The following DPP4 variants were observed in gnomAD, a reference collection of about 807,000 sequenced individuals.
The protein encoded by DPP4 is dipeptidyl peptidase 4, also known as ADCP-2.
In DPP4, 93 loss-of-function variants were observed where a neutral mutation model predicts 122.4. The observed-to-expected ratio is 0.76, with a 90% CI of 0.64 to 0.90. DPP4 has a LOEUF of 0.90. DPP4 is among the 40% of genes least tolerant of loss of function. DPP4 has a pLI of 0.00. For synonymous variants in DPP4, 321 were observed against 302.9 expected, an observed-to-expected ratio of 1.06 and a Z score of -0.62; for missense variants, 914 against 907.3, an observed-to-expected ratio of 1.01 and a Z score of -0.09.
chr2:162,063,224 A>G (rs1684841750), intron 2 of DPP4, among the ~76,000 whole-genome samples: 1 of 152,322 alleles, frequency 6.6e-6, no homozygotes. Flanking sequence ...TTGCTGAAAT[A>G]AGATGTACTA....
rs140439707 is a variant in DPP4, at chr2:162,021,829, C to T, written c.1068+926G>A. ...AGAGTCGTGAGGAAGTGTAGCGTGT[C>T]TCTTGCCATGGAGGAAACCACTTTT... On this transcript the variant is annotated intron_variant, in intron 12 of 25. Transcript: ENST00000360534. 5.8e-3 allele frequency among the ~76,000 whole-genome samples: 880 copies of T among 152,212 alleles called. 7 individuals are homozygous for T. Among genetic ancestry groups the T allele is most frequent in the African/African-American group, 0.02 (841 of 41,524 alleles).
intron 2 of DPP4, among the ~76,000 whole-genome samples, chr2:162,053,616 C>T (rs910454461): frequency 6.6e-6 from 1 of 152,194 alleles, no homozygotes; most frequent in Non-Finnish European, 1.5e-5. Flanking sequence ...GACTCCCCTG[C>T]ACCTCCTTGT....
intron 23 of DPP4, among the ~76,000 whole-genome samples, chr2:161,998,431 G>A (rs1701060411): frequency 1.3e-5 from 2 of 152,094 alleles, no homozygotes; most frequent in African/African-American, 4.8e-5. Flanking sequence ...TTTGCTCGCG[G>A]AAGACAGTCA....
intron 10 of DPP4, among the ~76,000 whole-genome samples, chr2:162,027,638 G>A (rs948771363): frequency 2.6e-5 from 4 of 152,166 alleles, no homozygotes; most frequent in Admixed American, 6.5e-5. Flanking sequence ...CTGGTAGAGC[G>A]AAGGGGTATG....
chr2:162,018,608 A>T, intron 16 of DPP4, 121 bp downstream of exon 16: 1 of 1,263,806 alleles, frequency 7.9e-7, no homozygotes, highest in Non-Finnish European at 1.1e-6. Context: ...CTTAAATGTG[A>T]GTGGAGAGAA....
At chr2:162,058,582 C>T (rs976487311) in intron 2 of DPP4, among the ~76,000 whole-genome samples, 1 of 152,182 alleles carries the variant, frequency 6.6e-6, no homozygotes, top group East Asian at 1.9e-4. Context: ...TTCTGAATCT[C>T]GTTATTCAAG....
chr2:162,017,677 C>T (rs1682974257), intron 16 of DPP4: 1 of 152,640 alleles, frequency 6.6e-6, no homozygotes, highest in Admixed American at 6.5e-5. Flanking sequence ...TTCTGGCATG[C>T]AAAAGTGTTT....
At chr2:162,027,885 T>A (rs2106110913) in intron 10 of DPP4, among the ~76,000 whole-genome samples, 1 of 152,224 alleles carries the variant, frequency 6.6e-6, no homozygotes, top group Non-Finnish European at 1.5e-5. Context: ...GGACTCTGCA[T>A]GGCCTGGGTT....
At chr2:162,043,316 C>A (rs1386830356) in intron 5 of DPP4, among the ~76,000 whole-genome samples, 1 of 152,106 alleles carries the variant, frequency 6.6e-6, no homozygotes, top group African/African-American at 2.4e-5. Flanking sequence ...CCTCAGGATG[C>A]CAGGGTTAGA....
chr2:162,065,375 C>G (rs551741664), intron 2 of DPP4, among the ~76,000 whole-genome samples: 1 of 152,110 alleles, frequency 6.6e-6, no homozygotes, highest in East Asian at 1.9e-4. Context: ...TACTGGAGAT[C>G]AAAAGACAAA....
chr2:162,011,441 C>T (rs1682703726), intron 20 of DPP4, among the ~76,000 whole-genome samples: 1 of 152,046 alleles, frequency 6.6e-6, no homozygotes, highest in Non-Finnish European at 1.5e-5. Context: ...ATGGGCTTGG[C>T]TTGTTTAGTC....
chr2:161,993,878 C>A (rs1273663417), intron 25 of DPP4, among the ~76,000 whole-genome samples: 1 of 151,938 alleles, frequency 6.6e-6, no homozygotes, highest in Non-Finnish European at 1.5e-5. Flanking sequence ...TAATATATAG[C>A]ACCTAGAAAC....
At chr2:162,039,809 T>A (rs1683923608) in intron 5 of DPP4, among the ~76,000 whole-genome samples, 1 of 151,514 alleles carries the variant, frequency 6.6e-6, no homozygotes. Context: ...TTAGAAGAAA[T>A]GAAATAATAA....
chr2:162,049,597 A>G (rs1272360271), intron 2 of DPP4, among the ~76,000 whole-genome samples: 1 of 152,162 alleles, frequency 6.6e-6, no homozygotes, highest in African/African-American at 2.4e-5. Context: ...ATGTTTACCT[A>G]TATAACAAAC....
chr2:162,001,615 T>C (rs1055963592), intron 23 of DPP4, among the ~76,000 whole-genome samples: 6 of 152,202 alleles, frequency 3.9e-5, no homozygotes, highest in Non-Finnish European at 7.3e-5. Context: ...CACGTTAACA[T>C]TTTTTACAAG....
intron 2 of DPP4, chr2:162,073,140 C>T (rs1685175978): frequency 2.9e-6 from 1 of 346,246 alleles, no homozygotes; most frequent in Admixed American, 4.3e-5. Context: ...CCCGACTCTC[C>T]CTAATTTCAG....
At chr2:162,062,453 A>C (rs563134497) in intron 2 of DPP4, among the ~76,000 whole-genome samples, 6 of 152,178 alleles carry the variant, frequency 3.9e-5, no homozygotes, top group African/African-American at 1.4e-4. Flanking sequence ...TTCTCTGTTC[A>C]AAGTATTGTG....
At chr2:162,009,368 G>A in intron 20 of DPP4, 73 bp from the exon 21 acceptor site, 1 of 1,347,244 alleles carries the variant, frequency 7.4e-7, no homozygotes, top group Non-Finnish European at 1.1e-6. Flanking sequence ...GCACAAATGT[G>A]AAACCCTGCC....
chr2:162,013,084 T>C (rs1682763766), intron 19 of DPP4, among the ~76,000 whole-genome samples: 1 of 151,906 alleles, frequency 6.6e-6, no homozygotes, highest in Non-Finnish European at 1.5e-5. Context: ...TGCCTTAATA[T>C]TAGGTATATA....
Sources: allele counts gnomAD v4.1 joint callset (sites outside exome capture counted in the v4.1 genomes callset), GRCh38; gene constraint gnomAD v4.1.1; transcripts MANE v1.5; gene names NCBI Gene and HGNC (gene_info 2026-07-23, HGNC 2026-07-21).